RAB3C: variants seen among roughly 807,000 people sequenced by gnomAD.
RAB3C encodes the protein RAB3C, member RAS oncogene family, also known as ras-related protein Rab-3C.
A neutral mutation model predicts 26.4 loss-of-function variants in RAB3C; 17 were observed. The ratio of observed to expected loss-of-function variants is 0.64; its 90% CI spans 0.44 to 0.97. The LOEUF is 0.97. Ranked by LOEUF, RAB3C falls within the 50% of genes least tolerant of loss-of-function variation. The probability of loss-of-function intolerance (pLI) is 0.00; values close to 1 mark genes in which losing one functional copy is unlikely to be tolerated. For missense variants in RAB3C, 242 were observed against 281.9 expected (o/e 0.86, Z 1.01); for synonymous variants, 91 against 95.9 (o/e 0.95, Z 0.30).
At chr5:58,620,386 G>T (rs1178730040) in intron 2 of RAB3C, among the ~76,000 whole-genome samples, 1 of 152,118 alleles carries the variant, frequency 6.6e-6, no homozygotes, top group African/African-American at 2.4e-5. Context: ...ATGTACTATT[G>T]TGGTCTGTTA....
At chr5:58,721,395 C>G (rs1344763273) in intron 2 of RAB3C, among the ~76,000 whole-genome samples, 1 of 151,540 alleles carries the variant, frequency 6.6e-6, no homozygotes, top group African/African-American at 2.4e-5. Context: ...TATGGAAAAT[C>G]AGCAAGTATA....
intron 4 of RAB3C, among the ~76,000 whole-genome samples, chr5:58,825,662 T>C (rs1250767684): frequency 6.6e-6 from 1 of 152,152 alleles, no homozygotes. Context: ...CCAGAATGAG[T>C]ATCATAGCCC....
chr5:58,781,122 T>A (rs552033572), intron 3 of RAB3C, among the ~76,000 whole-genome samples: 2 of 151,976 alleles, frequency 1.3e-5, no homozygotes, highest in South Asian at 4.1e-4. Context: ...TAAAAATGAA[T>A]GAATAAATGG....
intron 2 of RAB3C, among the ~76,000 whole-genome samples, chr5:58,662,617 A>C (rs1270476794): frequency 6.7e-6 from 1 of 150,340 alleles, no homozygotes; most frequent in Non-Finnish European, 1.5e-5. Flanking sequence ...CTTATAAAAA[A>C]GATCTGAGAT....
At chr5:58,675,876 C>G (rs983053969) in intron 2 of RAB3C, among the ~76,000 whole-genome samples, 5 of 152,096 alleles carry the variant, frequency 3.3e-5, no homozygotes, top group Non-Finnish European at 7.4e-5. Flanking sequence ...CCTCTGGTCT[C>G]CTGGGTGGGT....
At chr5:58,811,870 C>A (rs1743099190) in intron 3 of RAB3C, among the ~76,000 whole-genome samples, 2 of 152,064 alleles carry the variant, frequency 1.3e-5, no homozygotes, top group African/African-American at 2.4e-5. Flanking sequence ...CTCCTCAGCC[C>A]TTCTGAAAGC....
intron 2 of RAB3C, among the ~76,000 whole-genome samples, chr5:58,669,123 G>A (rs1001897073): frequency 2.0e-5 from 3 of 152,034 alleles, no homozygotes; most frequent in Non-Finnish European, 4.4e-5. Context: ...TACATTGAGA[G>A]TCAGGGCTCA....
intron 4 of RAB3C, among the ~76,000 whole-genome samples, chr5:58,838,489 T>C (rs2112076418): frequency 6.6e-6 from 1 of 152,344 alleles, no homozygotes; most frequent in East Asian, 1.9e-4. Flanking sequence ...TTCCATGTAT[T>C]TGTGTTGTTT....
rs1421703448 is a variant in RAB3C at position 58,857,970 on chromosome 5, T to C, written c.*6619T>C. The C allele has an allele frequency of 6.6e-6, 1 of 152,200 alleles. No homozygotes were observed. Among genetic ancestry groups the C allele is most frequent in the Non-Finnish European group, 1.5e-5 (1 of 68,028 alleles). The allele number at this position is 152,200 out of a possible 1,614,324, so 9.4% of individuals were successfully genotyped here. ...GCCATTTCTAAGGCAAAGCATTCAT[T>C]TTAATATTGTACTTTGCCTTTTCAT... On this transcript the variant is annotated 3_prime_UTR_variant, in exon 5 of 5. Coordinates refer to ENST00000282878, the MANE Select transcript of RAB3C (RefSeq NM_138453.4).
At chr5:58,692,503 GA>G (rs1748591190) in intron 2 of RAB3C, among the ~76,000 whole-genome samples, 1 of 151,760 alleles carries the variant, frequency 6.6e-6, no homozygotes, top group South Asian at 2.1e-4. Context: ...ATTTAAGTGG[GA>G]AAAACATTAT....
chr5:58,609,173 G>C (rs1336836721), intron 1 of RAB3C, among the ~76,000 whole-genome samples: 2 of 152,118 alleles, frequency 1.3e-5, no homozygotes, highest in Non-Finnish European at 2.9e-5. Context: ...CATGTACCTA[G>C]AACTTAAAGT....
At chr5:58,749,814 A>C (rs1482082940) in intron 3 of RAB3C, among the ~76,000 whole-genome samples, 1 of 152,142 alleles carries the variant, frequency 6.6e-6, no homozygotes, top group Non-Finnish European at 1.5e-5. Context: ...TTAGCCTTGC[A>C]GCTATTTTAG....
At chr5:58,733,102 T>C (rs1167415925) in intron 3 of RAB3C, among the ~76,000 whole-genome samples, 1 of 152,132 alleles carries the variant, frequency 6.6e-6, no homozygotes, top group Non-Finnish European at 1.5e-5. Context: ...GCTTATTTGG[T>C]TATCTTTTTT....
At chr5:58,616,850 C>T (rs531416804) in intron 1 of RAB3C, among the ~76,000 whole-genome samples, 9 of 152,214 alleles carry the variant, frequency 5.9e-5, no homozygotes, top group East Asian at 1.9e-4. Context: ...AGGGCACTTG[C>T]GCATGCCTCC....
intron 2 of RAB3C, chr5:58,644,329 G>T (rs2111774237): frequency 6.6e-6 from 1 of 152,296 alleles, no homozygotes; most frequent in African/African-American, 2.4e-5. Context: ...TTACTTCTCT[G>T]AGCTTCAGTT....
At chr5:58,612,510 G>GTATATATATATATATATA (rs1561266314) in intron 1 of RAB3C, among the ~76,000 whole-genome samples, 21 of 61,502 alleles carry the variant, frequency 3.4e-4, no homozygotes, top group African/African-American at 1.7e-3. Context: ...GTGTGTGTGT[G>GTATATATATATATATATA]TGTGTGTGTG....
At chr5:58,691,781 C>A (rs929283942) in intron 2 of RAB3C, among the ~76,000 whole-genome samples, 1 of 152,158 alleles carries the variant, frequency 6.6e-6, no homozygotes, top group African/African-American at 2.4e-5. Flanking sequence ...TAGAGTTTAT[C>A]TATTTTCTGC....
At chr5:58,848,143 A>T (rs1579952170) in intron 4 of RAB3C, among the ~76,000 whole-genome samples, 1 of 152,238 alleles carries the variant, frequency 6.6e-6, no homozygotes, top group African/African-American at 2.4e-5. Flanking sequence ...GGCATGAGCC[A>T]CCACACCCAG....
intron 3 of RAB3C, among the ~76,000 whole-genome samples, chr5:58,735,870 C>A (rs13354829): frequency 0.13 from 19,109 of 152,094 alleles, 1,561 homozygotes; most frequent in Non-Finnish European, 0.18. Flanking sequence ...TTATACATTC[C>A]TAATACCCAG....
Sources: allele counts gnomAD v4.1 joint callset (sites outside exome capture counted in the v4.1 genomes callset), GRCh38; gene constraint gnomAD v4.1.1; transcripts MANE v1.5; gene names NCBI Gene and HGNC (gene_info 2026-07-23, HGNC 2026-07-21).